RALYL: variants seen among roughly 807,000 people sequenced by gnomAD.
RALYL encodes the protein RALY RNA binding protein like, also known as RNA-binding Raly-like protein.
In RALYL, 29 loss-of-function variants were observed where a neutral mutation model predicts 35.1. The ratio of observed to expected loss-of-function variants is 0.83; its 90% CI spans 0.61 to 1.13. RALYL has a LOEUF of 1.13. RALYL is among the 50% of genes most tolerant of loss of function. RALYL has a pLI of 0.00. For missense variants in RALYL, 359 were observed against 360.4 expected (o/e 1.00, Z 0.03); for synonymous variants, 120 against 127.6 (o/e 0.94, Z 0.40).
At chr8:84,587,177 CT>C (rs1439049408) in intron 2 of RALYL, among the ~76,000 whole-genome samples, 7 of 152,142 alleles carry the variant, frequency 4.6e-5, no homozygotes, top group African/African-American at 1.7e-4. Context: ...GAGATACAAA[CT>C]TTTCAGCTAA....
intron 1 of RALYL, among the ~76,000 whole-genome samples, chr8:84,484,141 A>G (rs1411471166): frequency 6.6e-6 from 1 of 152,166 alleles, no homozygotes; most frequent in Admixed American, 6.6e-5. Flanking sequence ...TAACTTTAAC[A>G]TTCAGTAACT....
At chr8:84,825,473 C>T (rs1829469717) in intron 4 of RALYL, among the ~76,000 whole-genome samples, 1 of 152,104 alleles carries the variant, frequency 6.6e-6, no homozygotes, top group Non-Finnish European at 1.5e-5. Flanking sequence ...AACGACTATT[C>T]AACCCAGCAA....
intron 2 of RALYL, among the ~76,000 whole-genome samples, chr8:84,671,579 G>A (rs1322383136): frequency 6.6e-6 from 1 of 152,142 alleles, no homozygotes; most frequent in Non-Finnish European, 1.5e-5. Context: ...CCTGACTTCT[G>A]TGCACTCACA....
chr8:84,855,498 A>G (rs1215573897), intron 5 of RALYL, among the ~76,000 whole-genome samples: 3 of 152,240 alleles, frequency 2.0e-5, no homozygotes, highest in Non-Finnish European at 4.4e-5. Flanking sequence ...ATCATTAAAC[A>G]GTAGATGAGT....
intron 3 of RALYL, among the ~76,000 whole-genome samples, chr8:84,794,725 C>A (rs1201037622): frequency 2.0e-5 from 3 of 152,154 alleles, no homozygotes; most frequent in African/African-American, 7.2e-5. Context: ...ACTGCTGCCC[C>A]CAAAGCTGTT....
chr8:84,597,111 C>A (rs927500002), intron 2 of RALYL, among the ~76,000 whole-genome samples: 18 of 152,160 alleles, frequency 1.2e-4, no homozygotes, highest in Non-Finnish European at 2.2e-4. Flanking sequence ...CTGACTAAGA[C>A]AGTGAAGTTT....
At chr8:84,539,333 G>T (rs1449877308) in intron 2 of RALYL, among the ~76,000 whole-genome samples, 1 of 152,068 alleles carries the variant, frequency 6.6e-6, no homozygotes, top group Non-Finnish European at 1.5e-5. Flanking sequence ...CTAAAAGAAG[G>T]CAAAAGGGCT....
intron 2 of RALYL, among the ~76,000 whole-genome samples, chr8:84,681,925 A>C (rs548064659): frequency 6.6e-6 from 1 of 152,184 alleles, no homozygotes; most frequent in Non-Finnish European, 1.5e-5. Context: ...GCCAGTTTTC[A>C]AAGGGAATGC....
At chr8:84,756,067 G>C (rs1021561923) in intron 2 of RALYL, among the ~76,000 whole-genome samples, 6 of 151,796 alleles carry the variant, frequency 4.0e-5, no homozygotes, top group African/African-American at 1.2e-4. Flanking sequence ...TTGAATTTTT[G>C]AGATTAGTAA....
chr8:84,760,323 A>G (rs1322985288), intron 2 of RALYL, among the ~76,000 whole-genome samples: 1 of 152,080 alleles, frequency 6.6e-6, no homozygotes, highest in Non-Finnish European at 1.5e-5. Flanking sequence ...AGACCTATAG[A>G]ACAAAAATGT....
chr8:84,671,112 C>A (rs2131820231), intron 2 of RALYL, among the ~76,000 whole-genome samples: 1 of 152,250 alleles, frequency 6.6e-6, no homozygotes, highest in South Asian at 2.1e-4. Flanking sequence ...AGGCCCTATG[C>A]AAGTCCAAAA....
chr8:84,498,450 C>T (rs1157390389), intron 1 of RALYL, among the ~76,000 whole-genome samples: 3 of 152,092 alleles, frequency 2.0e-5, no homozygotes, highest in African/African-American at 7.2e-5. Flanking sequence ...TAAAAAGCCT[C>T]ATCGAAGCTA....
intron 2 of RALYL, among the ~76,000 whole-genome samples, chr8:84,669,310 T>C (rs1167079085): frequency 6.6e-6 from 1 of 152,284 alleles, no homozygotes; most frequent in East Asian, 1.9e-4. Context: ...GGCAGGGCCA[T>C]TTGGGAATTA....
chr8:84,432,014 T>C (rs1274120797), intron 1 of RALYL, among the ~76,000 whole-genome samples: 1 of 152,112 alleles, frequency 6.6e-6, no homozygotes, highest in Admixed American at 6.6e-5. Flanking sequence ...CTATGGAAAA[T>C]AGCATAGAGG....
intron 8 of RALYL, among the ~76,000 whole-genome samples, chr8:84,916,313 G>T (rs1338784509): frequency 7.3e-5 from 11 of 151,636 alleles, no homozygotes; most frequent in East Asian, 3.9e-4. Context: ...CATAGAAAAT[G>T]ATATCATTAA....
At chr8:84,645,577 A>T (rs1403952995) in intron 2 of RALYL, among the ~76,000 whole-genome samples, 1 of 151,874 alleles carries the variant, frequency 6.6e-6, no homozygotes, top group Non-Finnish European at 1.5e-5. Flanking sequence ...TTTACATATT[A>T]TTCTTTTACC....
intron 2 of RALYL, among the ~76,000 whole-genome samples, chr8:84,573,787 A>G (rs1808636953): frequency 6.6e-6 from 1 of 151,898 alleles, no homozygotes. Flanking sequence ...ATAGTGTTAA[A>G]TCAGCTATTA....
At chr8:84,426,471 T>TGGGGGG (rs941642595) in intron 1 of RALYL, among the ~76,000 whole-genome samples, 1 of 147,608 alleles carries the variant, frequency 6.8e-6, no homozygotes. Flanking sequence ...TGTGTGTGTG[T>TGGGGGG]GTGGGTTTAG....
At chr8:84,367,318 A>ATTTTTTTTTTTTTTTTTT (rs56387511) in intron 1 of RALYL, among the ~76,000 whole-genome samples, 1 of 27,400 alleles carries the variant, frequency 3.6e-5, no homozygotes, top group Non-Finnish European at 9.9e-5. Flanking sequence ...TAATTTTTGT[A>ATTTTTTTTTTTTTTTTTT]TTTTTTTTTT....
Sources: allele counts gnomAD v4.1 joint callset (sites outside exome capture counted in the v4.1 genomes callset), GRCh38; gene constraint gnomAD v4.1.1; transcripts MANE v1.5; gene names NCBI Gene and HGNC (gene_info 2026-07-23, HGNC 2026-07-21).